The following CACNA2D2 variants were observed in gnomAD, a reference collection of about 807,000 sequenced individuals.
CACNA2D2 encodes voltage-dependent calcium channel subunit alpha-2/delta-2.
Under a neutral mutation model 166.4 loss-of-function variants are expected in CACNA2D2, and 48 were observed. The observed-to-expected ratio is 0.29, with a 90% CI of 0.23 to 0.37. The LOEUF is 0.37. Ranked by LOEUF, CACNA2D2 falls within the 10% of genes least tolerant of loss-of-function variation. The probability of loss-of-function intolerance (pLI) is 1.00; values close to 1 mark genes in which losing one functional copy is unlikely to be tolerated. For synonymous variants in CACNA2D2, 561 were observed against 573.7 expected (o/e 0.98, Z 0.32); for missense variants, 1,122 against 1,433.0 (o/e 0.78, Z 3.50).
At chr3:50,395,131 A>C (rs1559907323) in intron 3 of CACNA2D2, among the ~76,000 whole-genome samples, 1 of 152,148 alleles carries the variant, frequency 6.6e-6, no homozygotes. Context: ...GAGAGCAGTG[A>C]TGTCCTGTCA....
At chr3:50,378,888 CCT>C (rs761525254) in intron 13 of CACNA2D2, 25 bp downstream of exon 13, 14 of 1,613,086 alleles carry the variant, frequency 8.7e-6, no homozygotes, top group African/African-American at 5.3e-5. Context: ...CAGGCAGGCC[CCT>C]GACAGTGATG....
chr3:50,429,338 G>A (rs998927428), intron 3 of CACNA2D2, among the ~76,000 whole-genome samples: 1 of 152,024 alleles, frequency 6.6e-6, no homozygotes, highest in African/African-American at 2.4e-5. Flanking sequence ...GTAACCCAGC[G>A]ACCTGTGTGA....
At chr3:50,479,386 G>C (rs767286409) in intron 1 of CACNA2D2, among the ~76,000 whole-genome samples, 8 of 152,220 alleles carry the variant, frequency 5.3e-5, no homozygotes, top group African/African-American at 9.7e-5. Context: ...CATCAGCACA[G>C]TGCCAGGGAA....
chr3:50,426,880 T>A (rs1452898696), intron 3 of CACNA2D2, among the ~76,000 whole-genome samples: 1 of 152,174 alleles, frequency 6.6e-6, no homozygotes, highest in African/African-American at 2.4e-5. Context: ...GAATGACTAT[T>A]TCTCTTGAGG....
At position 50,375,910 on chromosome 3, in the gene CACNA2D2, G is replaced by A. The variant is rs770912882; in HGVS notation, c.1774-30C>T. ...AAGGGCCAGAGATGTGAGGGGCAGG[G>A]CCCCTACACTCCTCTGCTCTGTCCC... On this transcript the variant is annotated intron_variant, in intron 19 of 37. Transcript: ENST00000424201. The surrounding 1 kb of genome is among the most constrained non-coding windows in gnomAD (Gnocchi z 4.0). The A allele has an allele frequency of 3.7e-6, 6 of 1,612,662 alleles. No individual in the cohort carries two copies. The highest frequency in any genetic ancestry group is 5.1e-6 in the Non-Finnish European group (6 of 1,179,766).
intron 1 of CACNA2D2, among the ~76,000 whole-genome samples, chr3:50,495,548 G>A (rs762464431): frequency 5.3e-5 from 8 of 152,300 alleles, no homozygotes; most frequent in Admixed American, 3.9e-4. Flanking sequence ...AAGTGTCTTC[G>A]CTGGAGATGC....
chr3:50,371,883 T>G (rs1704671326), intron 22 of CACNA2D2, among the ~76,000 whole-genome samples: 1 of 150,234 alleles, frequency 6.7e-6, no homozygotes, highest in African/African-American at 2.4e-5. Flanking sequence ...TGTGCGGGGG[T>G]GGGGAGAAAA....
chr3:50,381,130 G>T lies in CACNA2D2; in HGVS notation c.653-4C>A. On this transcript the variant is annotated splice_region_variant and splice_polypyrimidine_tract_variant and intron_variant, in intron 6 of 37. Coordinates refer to ENST00000424201, the MANE Select transcript of CACNA2D2 (RefSeq NM_006030.4). ...AGCTCATTGAGGATGACAGTGGCTGGGGGGAAGCGGGGAGCTGGGGTGGGG... is the reference window on the plus strand; with the variant it reads ...AGCTCATTGAGGATGACAGTGGCTGTGGGGAAGCGGGGAGCTGGGGTGGGG... The T allele has an allele frequency of 1.2e-6, 2 of 1,613,636 alleles. No homozygotes were observed. Among genetic ancestry groups the T allele is most frequent in the Non-Finnish European group, 1.7e-6 (2 of 1,179,840 alleles).
chr3:50,487,701 G>A (rs1325931417), intron 1 of CACNA2D2, among the ~76,000 whole-genome samples: 3 of 152,184 alleles, frequency 2.0e-5, no homozygotes, highest in African/African-American at 7.2e-5. Context: ...CAATCCGAGA[G>A]AAGCCACCTT....
chr3:50,485,507 T>C (rs145513237), intron 1 of CACNA2D2, among the ~76,000 whole-genome samples: 1 of 152,388 alleles, frequency 6.6e-6, no homozygotes, highest in African/African-American at 2.4e-5. Flanking sequence ...TGACTCCGTA[T>C]TGAGTAAATA....
intron 1 of CACNA2D2, among the ~76,000 whole-genome samples, chr3:50,493,092 T>C (rs1698584081): frequency 6.6e-6 from 1 of 152,154 alleles, no homozygotes. Context: ...CTTGGCATGG[T>C]CACCCATCCC....
rs1341700300 is a variant in CACNA2D2, at chr3:50,379,747, T to C, written c.971A>G (p.Asp324Gly). The change falls in exon 10 of 38, where the codon GAT (aspartate) becomes GGT (glycine). Residue 324 changes from aspartate to glycine, a missense_variant. Asp to Gly is a moderately conservative substitution (Grantham distance 94). Around this residue, in one of 2 missense-constraint regions of CACNA2D2, gnomAD observed 840 missense variants for 1,166.8 expected, o/e 0.72. Coordinates refer to ENST00000424201, the MANE Select transcript of CACNA2D2 (RefSeq NM_006030.4). The surrounding 1 kb of genome is among the most constrained non-coding windows in gnomAD (Gnocchi z 6.5). Reference protein sequence around the residue: ...VCEMLDTLSDDDYVNVASFNE... With the variant: ...VCEMLDTLSDGDYVNVASFNE... ...CACCGAGGCCACATTCACATAGTCA[T>C]CATCAGACAGCGTGTCCAGCATCTC... is the stretch of plus-strand genomic sequence containing the variant. 1.9e-6 allele frequency: 3 copies of C among 1,613,902 alleles called. No homozygotes were observed. The highest frequency in any genetic ancestry group is 1.1e-5 in the South Asian group (1 of 91,082).
chr3:50,373,741 A>G (rs1453912845), intron 22 of CACNA2D2, among the ~76,000 whole-genome samples: 1 of 135,432 alleles, frequency 7.4e-6, no homozygotes, highest in East Asian at 2.2e-4. Context: ...GAGAGAGGGA[A>G]GAAGAGAGGA....
intron 1 of CACNA2D2, among the ~76,000 whole-genome samples, chr3:50,478,266 C>T (rs901983022): frequency 6.6e-6 from 1 of 152,192 alleles, no homozygotes; most frequent in Admixed American, 6.5e-5. Context: ...TGACAGCCTG[C>T]GTGACCCCTG....
chr3:50,490,688 G>C (rs996520563), intron 1 of CACNA2D2, among the ~76,000 whole-genome samples: 4 of 152,238 alleles, frequency 2.6e-5, no homozygotes, highest in Non-Finnish European at 5.9e-5. Flanking sequence ...CACCTGCACA[G>C]ACCATGGGCT....
intron 3 of CACNA2D2, among the ~76,000 whole-genome samples, chr3:50,430,567 T>A (rs1708018291): frequency 6.6e-6 from 1 of 152,188 alleles, no homozygotes; most frequent in African/African-American, 2.4e-5. Flanking sequence ...CTGTCCTTCA[T>A]CACTGCACCC....
At chr3:50,433,445 G>A (rs1007464234) in intron 3 of CACNA2D2, among the ~76,000 whole-genome samples, 4 of 151,952 alleles carry the variant, frequency 2.6e-5, no homozygotes, top group Non-Finnish European at 4.4e-5. Flanking sequence ...CTGCAGCCTC[G>A]AATTTGAAAT....
At position 50,364,961 on chromosome 3, in the gene CACNA2D2, G is replaced by A. The variant is rs753600233; in HGVS notation, c.3218C>T (p.Pro1073Leu). The change falls in exon 37 of 38, where the codon CCG (proline) becomes CTG (leucine). Residue 1073 changes from proline to leucine, a missense_variant. Physicochemically the swap from Pro to Leu is moderately conservative, Grantham distance 98. Around this residue, in one of 2 missense-constraint regions of CACNA2D2, gnomAD observed 282 missense variants for 266.2 expected, o/e 1.06. Transcript: ENST00000424201. Reference sequence around the variant, plus strand: ...TCTCTGCACTAGCTCACACTGCTCCGGGCCGTCCGCTGGGCATGGGTGGGG... The same window carrying A: ...TCTCTGCACTAGCTCACACTGCTCCAGGCCGTCCGCTGGGCATGGGTGGGG... ...LLQKETHSDG[P>L]EQCELVQRPR... 6.2e-6 allele frequency: 10 copies of A among 1,612,738 alleles called. No individual in the cohort carries two copies. Among genetic ancestry groups the A allele is most frequent in the Admixed American group, 5.0e-5 (3 of 59,988 alleles).
chr3:50,416,400 T>C (rs371189228), intron 3 of CACNA2D2, among the ~76,000 whole-genome samples: 10 of 152,320 alleles, frequency 6.6e-5, no homozygotes, highest in South Asian at 2.1e-4. Flanking sequence ...ATTTCTCCTA[T>C]AGGCCACCTT....
Sources: gnomAD v4.1 joint callset for allele counts (sites outside exome capture counted in the v4.1 genomes callset) on GRCh38, gnomAD v4.1.1 for gene constraint, gnomAD v4.1.1 regional missense constraint, Gnocchi (gnomAD v3.1) non-coding constraint, MANE v1.5 for transcripts, NCBI Gene and HGNC (gene_info 2026-07-23, HGNC 2026-07-21) for gene names.